CAST: variants seen among roughly 807,000 people sequenced by gnomAD.
CAST encodes the protein MIR583 host.
Under a neutral mutation model 119.6 loss-of-function variants are expected in CAST, and 76 were observed. That is an observed-to-expected ratio of 0.64 (90% CI 0.53 to 0.77). The LOEUF (loss-of-function observed/expected upper bound fraction) is 0.77. CAST is among the 30% of genes least tolerant of loss of function. The probability of loss-of-function intolerance (pLI) is 0.00; values close to 1 mark genes in which losing one functional copy is unlikely to be tolerated. For missense variants in CAST, 953 were observed against 946.5 expected (o/e 1.01, Z -0.09); for synonymous variants, 319 against 331.6 (o/e 0.96, Z 0.41).
At chr5:96,168,177 T>G in the CAST span, among the ~76,000 whole-genome samples, 6 of 152,056 alleles carry the variant, frequency 3.9e-5, no homozygotes, top group Non-Finnish European at 8.8e-5. Context: ...AGTGGCCAGA[T>G]GAGAAGGAGA....
chr5:96,509,313 A>G, the CAST span, among the ~76,000 whole-genome samples: 2 of 152,256 alleles, frequency 1.3e-5, no homozygotes, highest in Admixed American at 1.3e-4. Context: ...CGGAGGTGTC[A>G]GGGTTAATTA....
At chr5:96,540,927 C>G (rs756691926) in intron 1 of CAST, among the ~76,000 whole-genome samples, 28 of 152,134 alleles carry the variant, frequency 1.8e-4, no homozygotes, top group Non-Finnish European at 3.4e-4. Context: ...CAAGATTGAT[C>G]ACTGATGATG....
At chr5:96,442,193 G>C in the CAST span, among the ~76,000 whole-genome samples, 1 of 152,188 alleles carries the variant, frequency 6.6e-6, no homozygotes, top group Non-Finnish European at 1.5e-5. Flanking sequence ...AAGCAGGTAA[G>C]TATTTGAGTC....
the CAST span, among the ~76,000 whole-genome samples, chr5:96,482,604 G>A: frequency 6.6e-6 from 1 of 151,822 alleles, no homozygotes. Flanking sequence ...TTGCAATGAA[G>A]AAAAAAACTC....
chr5:96,393,392 T>C, the CAST span: 12 of 1,613,092 alleles, frequency 7.4e-6, no homozygotes, highest in Non-Finnish European at 1.0e-5. Flanking sequence ...AAACATAGAA[T>C]GCCATCCACA....
chr5:96,671,054 G>A (rs1198009572), intron 1 of CAST, among the ~76,000 whole-genome samples: 1 of 152,192 alleles, frequency 6.6e-6, no homozygotes, highest in Non-Finnish European at 1.5e-5. Context: ...GAGGACAAAC[G>A]ACAGTTGTAG....
chr5:96,041,430 C>T, the CAST span, among the ~76,000 whole-genome samples: 1 of 151,968 alleles, frequency 6.6e-6, no homozygotes, highest in Admixed American at 6.6e-5. Context: ...TATCTGAGAA[C>T]CTGTCATAGC....
intron 25 of CAST, chr5:96,762,991 T>C (rs974707280): frequency 1.1e-4 from 70 of 625,072 alleles, no homozygotes; most frequent in Non-Finnish European, 1.9e-4. Flanking sequence ...ACCTGTGCAA[T>C]ACCAAATTAT....
chr5:96,065,959 T>C, the CAST span, among the ~76,000 whole-genome samples: 1 of 152,078 alleles, frequency 6.6e-6, no homozygotes, highest in South Asian at 2.1e-4. Flanking sequence ...ATTAAGGAAA[T>C]ATATTACAGG....
the CAST span, among the ~76,000 whole-genome samples, chr5:96,424,489 T>G: frequency 6.6e-6 from 1 of 152,214 alleles, no homozygotes; most frequent in Non-Finnish European, 1.5e-5. Context: ...TATTCTACTT[T>G]CCAATATCTC....
the CAST span, among the ~76,000 whole-genome samples, chr5:96,345,566 C>G: frequency 3.3e-5 from 5 of 152,152 alleles, no homozygotes; most frequent in Admixed American, 2.6e-4. Context: ...AAAATTATTA[C>G]AGTAAAATTC....
chr5:96,231,183 T>C, the CAST span, among the ~76,000 whole-genome samples: 1 of 152,084 alleles, frequency 6.6e-6, no homozygotes, highest in African/African-American at 2.4e-5. Flanking sequence ...TGTAAATGAG[T>C]GTTCATAGAA....
chr5:96,343,266 T>G, the CAST span, among the ~76,000 whole-genome samples: 11 of 152,140 alleles, frequency 7.2e-5, no homozygotes, highest in African/African-American at 2.7e-4. Context: ...ATTTTCCAAA[T>G]GGATCTCACA....
At chr5:96,128,277 CT>C in the CAST span, among the ~76,000 whole-genome samples, 1 of 152,170 alleles carries the variant, frequency 6.6e-6, no homozygotes, top group Admixed American at 6.6e-5. Flanking sequence ...ATTTTCTAAA[CT>C]TTTCTGGTCT....
chr5:96,433,651 G>A, the CAST span, among the ~76,000 whole-genome samples: 1 of 152,078 alleles, frequency 6.6e-6, no homozygotes, highest in African/African-American at 2.4e-5. Flanking sequence ...TTGGGCATCA[G>A]CACCTGCTAT....
chr5:96,545,412 C>T (rs1395886378), intron 1 of CAST: 1 of 152,186 alleles, frequency 6.6e-6, no homozygotes, highest in Non-Finnish European at 1.5e-5. Context: ...TTGACAAAGG[C>T]ATTCTTTCTG....
chr5:96,331,970 C>T, the CAST span, among the ~76,000 whole-genome samples: 40,196 of 152,150 alleles, frequency 0.26, 5,559 homozygotes, highest in Middle Eastern at 0.3. Flanking sequence ...GGAACAGTCA[C>T]TCCTGACACT....
chr5:96,673,743 A>G (rs1483593946), intron 1 of CAST, among the ~76,000 whole-genome samples: 1 of 152,252 alleles, frequency 6.6e-6, no homozygotes, highest in Non-Finnish European at 1.5e-5. Context: ...TTATTCTAAT[A>G]TTTATCAATT....
the CAST span, among the ~76,000 whole-genome samples, chr5:96,364,987 T>G: frequency 6.6e-6 from 1 of 152,144 alleles, no homozygotes; most frequent in Non-Finnish European, 1.5e-5. Context: ...CTCTACACAC[T>G]GCTTTAAGTG....
Sources: gnomAD v4.1 joint callset for allele counts (sites outside exome capture counted in the v4.1 genomes callset) on GRCh38, gnomAD v4.1.1 for gene constraint, MANE v1.5 for transcripts, NCBI Gene and HGNC (gene_info 2026-07-23, HGNC 2026-07-21) for gene names.